NREP: variants seen among roughly 807,000 people sequenced by gnomAD.
The protein encoded by NREP is neuronal regeneration-related protein.
Under a neutral mutation model 8.6 loss-of-function variants are expected in NREP, and 5 were observed. That is an observed-to-expected ratio of 0.58 (90% CI 0.30 to 1.22). The LOEUF (loss-of-function observed/expected upper bound fraction) is 1.22, where lower values mean the gene tolerates loss of function less well. Among genes scored for constraint, NREP ranks in the 50% most tolerant of loss-of-function variants. NREP has a pLI of 0.07. For missense variants in NREP, 86 were observed against 82.5 expected, an observed-to-expected ratio of 1.04 and a Z score of -0.17; for synonymous variants, 27 against 28.0, an observed-to-expected ratio of 0.96 and a Z score of 0.11.
intron 2 of NREP, among the ~76,000 whole-genome samples, chr5:111,822,107 G>T (rs1194972244): frequency 1.3e-5 from 2 of 152,158 alleles, no homozygotes; most frequent in Admixed American, 1.3e-4. Context: ...TCCATTTAGT[G>T]TGGACCAGCT....
intron 2 of NREP, among the ~76,000 whole-genome samples, chr5:111,773,384 C>G (rs1751282183): frequency 6.6e-6 from 1 of 152,164 alleles, no homozygotes; most frequent in African/African-American, 2.4e-5. Flanking sequence ...TCCTTGGCCA[C>G]TCCAAGAAAA....
intron 2 of NREP, among the ~76,000 whole-genome samples, chr5:111,927,488 T>C (rs1561351063): frequency 6.6e-6 from 1 of 152,150 alleles, no homozygotes. Context: ...AAGGAAAATC[T>C]TGGGAGCCCA....
chr5:111,927,687 T>C (rs1755427116), intron 2 of NREP, among the ~76,000 whole-genome samples: 2 of 152,144 alleles, frequency 1.3e-5, no homozygotes, highest in African/African-American at 4.8e-5. Flanking sequence ...ACATGTAAAA[T>C]GTAGGTTCAT....
intron 2 of NREP, among the ~76,000 whole-genome samples, chr5:111,751,922 C>T (rs17133717): frequency 1.3e-5 from 2 of 152,132 alleles, no homozygotes; most frequent in African/African-American, 2.4e-5. Flanking sequence ...TGTAGGACCA[C>T]GAAGTTACGC....
At chr5:111,769,920 C>A (rs906089170) in intron 2 of NREP, among the ~76,000 whole-genome samples, 2 of 152,116 alleles carry the variant, frequency 1.3e-5, no homozygotes, top group Admixed American at 1.3e-4. Context: ...GACACAGAGC[C>A]AAACGCCAAA....
At chr5:111,915,678 A>T (rs1410900645) in intron 2 of NREP, among the ~76,000 whole-genome samples, 1 of 152,076 alleles carries the variant, frequency 6.6e-6, no homozygotes, top group Non-Finnish European at 1.5e-5. Context: ...ATTCCCTCAC[A>T]CATGCACCTA....
rs562983861 is a variant in NREP, at chr5:111,737,858, GC to G, written c.4-2352del. Among the ~76,000 whole-genome samples the G allele has an allele frequency of 2.0e-4, 31 of 151,434 alleles. No individual in the cohort carries two copies. In the East Asian group the frequency reaches 5.8e-3, roughly 28 times the overall value. On this transcript the variant is annotated intron_variant, in intron 2 of 3. Transcript: ENST00000257435. ...CTTCATATTTGTTACACTGACCAAG[GC>G]TTTTTTTTTCACTATTAGGCATTTT...
chr5:111,770,639 C>T (rs1173205864), intron 2 of NREP, among the ~76,000 whole-genome samples: 8 of 138,270 alleles, frequency 5.8e-5, no homozygotes, highest in East Asian at 2.2e-4. Flanking sequence ...GAAACAATCA[C>T]GGCTCACTAC....
chr5:111,942,665 T>C (rs1755861412), intron 2 of NREP, among the ~76,000 whole-genome samples: 1 of 151,972 alleles, frequency 6.6e-6, no homozygotes, highest in Non-Finnish European at 1.5e-5. Context: ...CATCAGATAA[T>C]GATACTAAAA....
At chr5:111,950,937 T>C (rs1047517181) in intron 2 of NREP, among the ~76,000 whole-genome samples, 2 of 152,078 alleles carry the variant, frequency 1.3e-5, no homozygotes, top group African/African-American at 4.8e-5. Flanking sequence ...ACCTTCAAAG[T>C]GCAATTGACG....
intron 2 of NREP, among the ~76,000 whole-genome samples, chr5:111,949,286 C>A (rs1756085727): frequency 6.6e-6 from 1 of 151,890 alleles, no homozygotes; most frequent in Middle Eastern, 3.2e-3. Context: ...GAGGTGATTG[C>A]AGCTTGCATC....
intron 2 of NREP, among the ~76,000 whole-genome samples, chr5:111,922,419 G>A (rs776309614): frequency 8.5e-5 from 13 of 152,074 alleles, no homozygotes; most frequent in Non-Finnish European, 1.3e-4. Context: ...GGTCCTTTAT[G>A]TTTGACATCG....
At chr5:111,753,858 G>A (rs2112847353) in intron 2 of NREP, among the ~76,000 whole-genome samples, 1 of 151,474 alleles carries the variant, frequency 6.6e-6, no homozygotes, top group South Asian at 2.1e-4. Context: ...GCAGAAAGAG[G>A]AGATACAAAG....
At chr5:111,907,280 A>AT (rs1471166442) in intron 2 of NREP, among the ~76,000 whole-genome samples, 1 of 151,628 alleles carries the variant, frequency 6.6e-6, no homozygotes, top group African/African-American at 2.4e-5. Context: ...TGTCTCCTTG[A>AT]TTTTCTCCTG....
chr5:111,881,190 A>G (rs2642679), intron 2 of NREP, among the ~76,000 whole-genome samples: 51,655 of 151,330 alleles, frequency 0.34, 9,224 homozygotes, highest in East Asian at 0.61. Flanking sequence ...CACCTGGCTC[A>G]GAGGGTCCTA....
chr5:111,941,409 G>T (rs1755825531), intron 2 of NREP, among the ~76,000 whole-genome samples: 2 of 152,040 alleles, frequency 1.3e-5, no homozygotes, highest in African/African-American at 4.8e-5. Context: ...CAAGGTGTCA[G>T]CAGAATTGAT....
chr5:111,829,382 C>G (rs1207170472), intron 2 of NREP, among the ~76,000 whole-genome samples: 1 of 152,136 alleles, frequency 6.6e-6, no homozygotes, highest in Non-Finnish European at 1.5e-5. Context: ...AGTTAAGACT[C>G]TAATTCAGAA....
At chr5:111,903,735 A>C (rs925898407) in intron 2 of NREP, among the ~76,000 whole-genome samples, 2 of 152,154 alleles carry the variant, frequency 1.3e-5, no homozygotes, top group African/African-American at 4.8e-5. Context: ...CTTATCTCTT[A>C]TTAAATAAGC....
intron 2 of NREP, among the ~76,000 whole-genome samples, chr5:111,779,437 C>T (rs1490345923): frequency 6.6e-6 from 1 of 152,192 alleles, no homozygotes; most frequent in Non-Finnish European, 1.5e-5. Flanking sequence ...TTAGTCTTAG[C>T]TCATTGCCCC....
Sources: allele counts gnomAD v4.1 joint callset (sites outside exome capture counted in the v4.1 genomes callset), GRCh38; gene constraint gnomAD v4.1.1; transcripts MANE v1.5; gene names NCBI Gene and HGNC (gene_info 2026-07-23, HGNC 2026-07-21).